The following DSCAM variants were observed in gnomAD, a reference collection of about 807,000 sequenced individuals.
The protein encoded by DSCAM is DS cell adhesion molecule, also known as cell adhesion molecule DSCAM.
In DSCAM, 47 loss-of-function variants were observed where a neutral mutation model predicts 217.7. That is an observed-to-expected ratio of 0.22 (90% CI 0.17 to 0.28). The LOEUF (loss-of-function observed/expected upper bound fraction) is 0.28, where lower values mean the gene tolerates loss of function less well. Ranked by LOEUF, DSCAM falls within the 10% of genes least tolerant of loss-of-function variation. The pLI, the probability that DSCAM is intolerant of heterozygous loss-of-function variation, is 1.00. For missense variants in DSCAM, 2,080 were observed against 2,618.3 expected, an observed-to-expected ratio of 0.79 and a Z score of 4.49; for synonymous variants, 1,056 against 1,015.3, an observed-to-expected ratio of 1.04 and a Z score of -0.76.
intron 1 of DSCAM, among the ~76,000 whole-genome samples, chr21:40,712,419 C>T (rs1225912509): frequency 7.0e-6 from 1 of 142,900 alleles, no homozygotes; most frequent in Non-Finnish European, 1.5e-5. Flanking sequence ...GCCGAGATTG[C>T]GCCACTGCAG....
At chr21:40,734,894 G>A (rs928831209) in intron 1 of DSCAM, among the ~76,000 whole-genome samples, 4 of 152,188 alleles carry the variant, frequency 2.6e-5, no homozygotes, top group African/African-American at 7.2e-5. Flanking sequence ...TATTTATGTA[G>A]ACAAACGTGA....
At chr21:40,736,345 T>C (rs1234015385) in intron 1 of DSCAM, among the ~76,000 whole-genome samples, 1 of 152,170 alleles carries the variant, frequency 6.6e-6, no homozygotes, top group Non-Finnish European at 1.5e-5. Context: ...GTAACTGAAC[T>C]CAACTTCCAG....
At chr21:40,499,196 C>A (rs1463296334) in intron 3 of DSCAM, among the ~76,000 whole-genome samples, 3 of 152,068 alleles carry the variant, frequency 2.0e-5, no homozygotes, top group Admixed American at 2.0e-4. Flanking sequence ...GAAAAGATTA[C>A]TACTATTTTA....
chr21:40,065,044 TATGTGGGTA>T (rs534631058), intron 27 of DSCAM, among the ~76,000 whole-genome samples: 48 of 152,216 alleles, frequency 3.2e-4, no homozygotes, highest in African/African-American at 1.2e-3. Flanking sequence ...GAGCCAGGGT[TATGTGGGTA>T]ACATTATAAT....
chr21:40,113,506 C>G (rs977542822), intron 20 of DSCAM, among the ~76,000 whole-genome samples: 65 of 152,186 alleles, frequency 4.3e-4, no homozygotes, highest in Non-Finnish European at 7.6e-4. Flanking sequence ...TGGCACAAGA[C>G]AGGGATGCCC....
rs115081330 is a variant in DSCAM at position 40,107,081 on chromosome 21, C to G, written c.3697-13207G>C. Among the ~76,000 whole-genome samples, 1,349 of 152,172 alleles carry G rather than the reference C, an allele frequency of 8.9e-3. 20 individuals carry two copies. The highest frequency in any genetic ancestry group is 0.03 in the African/African-American group (1,259 of 41,500). ...TGATGTTAGGTTGTTAACTTGAGAC[C>G]TTTCTAACTTTTTGACGTGGGCATT... On this transcript the variant is annotated intron_variant, in intron 20 of 32. Transcript: ENST00000400454.
chr21:40,817,197 C>T (rs1037427625), intron 1 of DSCAM, among the ~76,000 whole-genome samples: 3 of 152,014 alleles, frequency 2.0e-5, no homozygotes, highest in South Asian at 2.1e-4. Context: ...TTGACAGCTC[C>T]GGCTTCCCCT....
intron 3 of DSCAM, among the ~76,000 whole-genome samples, chr21:40,507,108 C>T (rs1398994330): frequency 6.6e-6 from 1 of 152,038 alleles, no homozygotes; most frequent in African/African-American, 2.4e-5. Context: ...GAAAACCCAT[C>T]TCTACTAAAA....
intron 1 of DSCAM, among the ~76,000 whole-genome samples, chr21:40,768,481 C>A (rs2091415696): frequency 1.3e-5 from 2 of 152,378 alleles, no homozygotes; most frequent in Non-Finnish European, 1.5e-5. Flanking sequence ...TAACCGAAAG[C>A]ATTCTTCTCT....
intron 11 of DSCAM, among the ~76,000 whole-genome samples, chr21:40,193,547 C>T (rs1322916057): frequency 1.3e-5 from 2 of 152,084 alleles, no homozygotes; most frequent in Non-Finnish European, 2.9e-5. Context: ...GAAAGGTGAC[C>T]CCTGTCCACT....
intron 1 of DSCAM, among the ~76,000 whole-genome samples, chr21:40,799,105 T>C (rs1325489834): frequency 1.3e-5 from 2 of 152,120 alleles, no homozygotes; most frequent in African/African-American, 2.4e-5. Context: ...AAGAGAAAGC[T>C]TGGACCAAAA....
At chr21:40,546,187 G>A (rs2076580939) in intron 3 of DSCAM, among the ~76,000 whole-genome samples, 1 of 152,174 alleles carries the variant, frequency 6.6e-6, no homozygotes, top group Non-Finnish European at 1.5e-5. Flanking sequence ...CCTTTTCTTG[G>A]GAAAATGATT....
intron 3 of DSCAM, among the ~76,000 whole-genome samples, chr21:40,378,617 A>T (rs2074989224): frequency 3.0e-5 from 3 of 99,272 alleles, no homozygotes; most frequent in East Asian, 6.4e-4. Context: ...TTTGAGACGG[A>T]GTCTCGCTCT....
At chr21:40,655,782 G>T (rs2146368690) in intron 3 of DSCAM, among the ~76,000 whole-genome samples, 1 of 152,240 alleles carries the variant, frequency 6.6e-6, no homozygotes, top group Non-Finnish European at 1.5e-5. Context: ...CACCTGGCAT[G>T]GTAGGTCATG....
At chr21:40,242,043 G>A (rs2073159861) in intron 11 of DSCAM, among the ~76,000 whole-genome samples, 1 of 152,028 alleles carries the variant, frequency 6.6e-6, no homozygotes, top group South Asian at 2.1e-4. Context: ...GACAACCATT[G>A]GGTACTGAGC....
Position 40,586,913 on chromosome 21 carries a change from G to T in DSCAM, c.508+105897C>A, listed in dbSNP as rs536359094. Among the ~76,000 whole-genome samples, 29 of 152,172 alleles carry T rather than the reference G, an allele frequency of 1.9e-4. No individual in the cohort carries two copies. In the South Asian group the frequency reaches 2.9e-3, roughly 15 times the overall value. On this transcript the variant is annotated intron_variant, in intron 3 of 32. Transcript: ENST00000400454. ...AGTGGTAGCAAATATGAACATTTGG[G>T]GCAGTAACCACATCACACAGCATCT...
chr21:40,626,818 G>A (rs547851113), intron 3 of DSCAM, among the ~76,000 whole-genome samples: 3 of 152,318 alleles, frequency 2.0e-5, no homozygotes, highest in African/African-American at 4.8e-5. Context: ...CATATTTGCT[G>A]CTAAAATGGC....
chr21:40,603,925 C>CTT (rs3070814), intron 3 of DSCAM, among the ~76,000 whole-genome samples: 8 of 97,316 alleles, frequency 8.2e-5, no homozygotes, highest in Admixed American at 1.2e-4. Flanking sequence ...TTTTGCATTT[C>CTT]TTTTTTTTTT....
intron 9 of DSCAM, among the ~76,000 whole-genome samples, chr21:40,301,204 T>G (rs965724600): frequency 6.6e-6 from 1 of 152,230 alleles, no homozygotes; most frequent in South Asian, 2.1e-4. Context: ...TTGAATTCAT[T>G]CTTCACTCAG....
Sources: gnomAD v4.1 joint callset for allele counts (sites outside exome capture counted in the v4.1 genomes callset) on GRCh38, gnomAD v4.1.1 for gene constraint, MANE v1.5 for transcripts, NCBI Gene and HGNC (gene_info 2026-07-23, HGNC 2026-07-21) for gene names.